PTPRO: variants seen among roughly 807,000 people sequenced by gnomAD.
PTPRO encodes protein tyrosine phosphatase receptor type O.
A neutral mutation model predicts 145.2 loss-of-function variants in PTPRO; 62 were observed. That is an observed-to-expected ratio of 0.43 (90% CI 0.35 to 0.53). The LOEUF is 0.53. PTPRO is among the 20% of genes least tolerant of loss of function. PTPRO has a pLI of 0.01. For synonymous variants in PTPRO, 565 were observed against 514.7 expected (o/e 1.10, Z -1.32); for missense variants, 1,345 against 1,482.7 (o/e 0.91, Z 1.53).
At chr12:15,453,837 C>A (rs1269337232) in intron 1 of PTPRO, among the ~76,000 whole-genome samples, 1 of 152,106 alleles carries the variant, frequency 6.6e-6, no homozygotes, top group African/African-American at 2.4e-5. Context: ...AATATTTGTC[C>A]TTCTATGACT....
At chr12:15,564,948 A>G (rs928915268) in intron 17 of PTPRO, among the ~76,000 whole-genome samples, 2 of 152,188 alleles carry the variant, frequency 1.3e-5, no homozygotes, top group Admixed American at 6.6e-5. Flanking sequence ...AAACAAATGT[A>G]ACTAACTAAA....
chr12:15,416,719 T>C, intron 1 of PTPRO, among the ~76,000 whole-genome samples: 1 of 126,114 alleles, frequency 7.9e-6, no homozygotes, highest in East Asian at 2.2e-4. Flanking sequence ...TGCCACTTCC[T>C]TCTTTTTTTT....
At chr12:15,375,015 C>T (rs1938639246) in intron 1 of PTPRO, among the ~76,000 whole-genome samples, 1 of 152,164 alleles carries the variant, frequency 6.6e-6, no homozygotes, top group African/African-American at 2.4e-5. Flanking sequence ...CACAAAGCCT[C>T]TTGGCAAAGG....
intron 17 of PTPRO, among the ~76,000 whole-genome samples, chr12:15,560,716 A>G (rs577433544): frequency 6.6e-6 from 1 of 152,246 alleles, no homozygotes; most frequent in East Asian, 1.9e-4. Context: ...CTCAGTGACT[A>G]TTAAACAGCT....
intron 21 of PTPRO, 107 bp downstream of exon 21, chr12:15,580,222 C>G: frequency 1.2e-6 from 1 of 864,186 alleles, no homozygotes; most frequent in East Asian, 2.5e-5. Flanking sequence ...TTTCCCAACC[C>G]AGCAATTGAA....
chr12:15,377,106 A>C (rs1938712008), intron 1 of PTPRO, among the ~76,000 whole-genome samples: 1 of 152,186 alleles, frequency 6.6e-6, no homozygotes, highest in African/African-American at 2.4e-5. Flanking sequence ...TCAGTATATT[A>C]TTAACTTAGC....
At chr12:15,370,811 G>A (rs1938504362) in intron 1 of PTPRO, among the ~76,000 whole-genome samples, 1 of 152,202 alleles carries the variant, frequency 6.6e-6, no homozygotes, top group Non-Finnish European at 1.5e-5. Flanking sequence ...CAAAGCTTTT[G>A]TTAAAAGCAA....
chr12:15,393,027 T>A (rs1002004733), intron 1 of PTPRO, among the ~76,000 whole-genome samples: 11 of 152,222 alleles, frequency 7.2e-5, no homozygotes, highest in Non-Finnish European at 1.6e-4. Context: ...TTTCTAATTG[T>A]CTTTCTTTGG....
At chr12:15,324,730 T>C (rs551604364) in intron 1 of PTPRO, among the ~76,000 whole-genome samples, 2 of 152,304 alleles carry the variant, frequency 1.3e-5, no homozygotes, top group African/African-American at 2.4e-5. Context: ...ACTGTATATA[T>C]TAAATACCTT....
intron 2 of PTPRO, among the ~76,000 whole-genome samples, chr12:15,484,706 A>T (rs991757710): frequency 1.3e-5 from 2 of 152,124 alleles, no homozygotes; most frequent in African/African-American, 4.8e-5. Flanking sequence ...ATATTTATTT[A>T]TCAATTGTTA....
intron 23 of PTPRO, among the ~76,000 whole-genome samples, chr12:15,583,590 T>G (rs777296628): frequency 1.4e-4 from 21 of 152,188 alleles, no homozygotes; most frequent in Non-Finnish European, 2.9e-4. Context: ...TATAACATTT[T>G]ATTAGAACAC....
intron 7 of PTPRO, among the ~76,000 whole-genome samples, chr12:15,513,110 A>G (rs11056536): frequency 2.6e-4 from 2 of 7,704 alleles, no homozygotes; most frequent in Non-Finnish European, 7.5e-4. Flanking sequence ...AAAGAAAGAA[A>G]GGAAGGAAGG....
At chr12:15,414,532 G>A (rs536369839) in intron 1 of PTPRO, among the ~76,000 whole-genome samples, 18 of 152,132 alleles carry the variant, frequency 1.2e-4, no homozygotes, top group Middle Eastern at 3.4e-3. Context: ...ATTTTATCCT[G>A]GTAAATTGAG....
At chr12:15,387,374 G>A (rs550673424) in intron 1 of PTPRO, among the ~76,000 whole-genome samples, 2 of 137,870 alleles carry the variant, frequency 1.5e-5, no homozygotes, top group South Asian at 2.8e-4. Flanking sequence ...GGTTGGGGAG[G>A]GGGGTGGGTA....
At chr12:15,405,798 G>C in intron 1 of PTPRO, among the ~76,000 whole-genome samples, 1 of 152,116 alleles carries the variant, frequency 6.6e-6, no homozygotes, top group South Asian at 2.1e-4. Flanking sequence ...TAGAAGATGA[G>C]TTAATAATAA....
intron 15 of PTPRO, among the ~76,000 whole-genome samples, chr12:15,552,835 T>G (rs1943504888): frequency 7.9e-6 from 1 of 126,834 alleles, no homozygotes; most frequent in African/African-American, 3.0e-5. Flanking sequence ...AGTCTCACTC[T>G]GTCGCCCAGG....
intron 12 of PTPRO, among the ~76,000 whole-genome samples, chr12:15,537,220 G>T (rs1053802303): frequency 7.2e-5 from 11 of 152,174 alleles, no homozygotes; most frequent in African/African-American, 2.7e-4. Flanking sequence ...AAGGAGCTTG[G>T]ATTCAGTGAA....
chr12:15,322,833 C>A lies in PTPRO; in HGVS notation c.75+32C>A, dbSNP rs766679098. On this transcript the variant is annotated intron_variant, in intron 1 of 26. Transcript: ENST00000281171. This position sits in a 1 kb window ranked among gnomAD's most constrained non-coding sequence, Gnocchi z 6.3. ...GAGCTCCTCCACCCCTTTTTCCCAG[C>A]GGTCCGGGCGGCAGCCGCGCTCCGG... is the stretch of plus-strand genomic sequence containing the variant. 3 of 1,597,338 alleles carry A rather than the reference C, an allele frequency of 1.9e-6. No homozygotes were observed. The highest frequency in any genetic ancestry group is 1.7e-5 in the Admixed American group (1 of 58,776).
At chr12:15,351,155 T>A (rs575257404) in intron 1 of PTPRO, among the ~76,000 whole-genome samples, 108 of 152,196 alleles carry the variant, frequency 7.1e-4, no homozygotes, top group African/African-American at 2.4e-3. Flanking sequence ...GTGCTGCCGT[T>A]CCCAGGATGC....
Sources: gnomAD v4.1 joint callset for allele counts (sites outside exome capture counted in the v4.1 genomes callset) on GRCh38, gnomAD v4.1.1 for gene constraint, Gnocchi (gnomAD v3.1) non-coding constraint, MANE v1.5 for transcripts, NCBI Gene and HGNC (gene_info 2026-07-23, HGNC 2026-07-21) for gene names.